The following CNBD1 variants were observed in gnomAD, a reference collection of about 807,000 sequenced individuals.
CNBD1 encodes the protein cyclic nucleotide binding domain containing 1.
A neutral mutation model predicts 54.4 loss-of-function variants in CNBD1; 71 were observed. That is an observed-to-expected ratio of 1.30 (90% confidence interval 1.08 to 1.59). The LOEUF (loss-of-function observed/expected upper bound fraction) is 1.59, where lower values mean the gene tolerates loss of function less well. CNBD1 is among the 40% of genes most tolerant of loss of function. CNBD1 has a pLI of 0.00. For missense variants in CNBD1, 659 were observed against 518.0 expected (o/e 1.27, Z -2.64); for synonymous variants, 182 against 170.7 (o/e 1.07, Z -0.51).
chr8:87,302,529 ATC>A (rs1809029294), intron 8 of CNBD1, among the ~76,000 whole-genome samples: 1 of 147,374 alleles, frequency 6.8e-6, no homozygotes, highest in Admixed American at 6.8e-5. Context: ...CACAGCCAAT[ATC>A]CTGAATGGGC....
chr8:86,954,807 G>A (rs905520188), intron 4 of CNBD1, among the ~76,000 whole-genome samples: 1 of 152,194 alleles, frequency 6.6e-6, no homozygotes, highest in Admixed American at 6.5e-5. Flanking sequence ...TTACCAAACT[G>A]TAAAGCAGGA....
intron 8 of CNBD1, among the ~76,000 whole-genome samples, chr8:87,309,243 A>G (rs1165418231): frequency 6.6e-6 from 1 of 152,134 alleles, no homozygotes; most frequent in Non-Finnish European, 1.5e-5. Flanking sequence ...TCTCATCAGC[A>G]TTTGTTAATT....
intron 6 of CNBD1, among the ~76,000 whole-genome samples, chr8:87,254,123 C>G (rs914146292): frequency 1.3e-5 from 2 of 152,076 alleles, no homozygotes; most frequent in Admixed American, 6.6e-5. Flanking sequence ...AGGAATATTC[C>G]AAATAGTAGT....
intron 4 of CNBD1, among the ~76,000 whole-genome samples, chr8:86,988,670 C>T (rs1808666669): frequency 6.6e-6 from 1 of 152,140 alleles, no homozygotes; most frequent in Admixed American, 6.5e-5. Context: ...AACCATCCCA[C>T]ATCCCCCCCT....
chr8:86,880,114 G>C (rs991597547), intron 1 of CNBD1, among the ~76,000 whole-genome samples: 1 of 152,128 alleles, frequency 6.6e-6, no homozygotes, highest in African/African-American at 2.4e-5. Flanking sequence ...CATTATTGTA[G>C]TATTACAGAT....
intron 4 of CNBD1, among the ~76,000 whole-genome samples, chr8:86,967,277 T>C (rs1808103295): frequency 6.6e-6 from 1 of 152,248 alleles, no homozygotes; most frequent in Non-Finnish European, 1.5e-5. Flanking sequence ...AAGGCAGATC[T>C]TGCTTGCTGC....
chr8:87,369,711 C>T (rs1384103536), intron 10 of CNBD1, among the ~76,000 whole-genome samples: 3 of 151,622 alleles, frequency 2.0e-5, no homozygotes, highest in Non-Finnish European at 2.9e-5. Context: ...TTGTCACTTT[C>T]CTAGTGCTGC....
At chr8:87,344,043 A>G (rs1810120371) in intron 8 of CNBD1, among the ~76,000 whole-genome samples, 1 of 152,130 alleles carries the variant, frequency 6.6e-6, no homozygotes, top group Non-Finnish European at 1.5e-5. Flanking sequence ...AATGTATAGA[A>G]TGGTATGTAG....
At chr8:87,092,235 C>A (rs561893336) in intron 4 of CNBD1, among the ~76,000 whole-genome samples, 1 of 152,012 alleles carries the variant, frequency 6.6e-6, no homozygotes, top group South Asian at 2.1e-4. Flanking sequence ...TCTTGCTTGT[C>A]CCATGTCTTT....
At chr8:86,940,456 G>T (rs6468566) in intron 4 of CNBD1, among the ~76,000 whole-genome samples, 1 of 151,864 alleles carries the variant, frequency 6.6e-6, no homozygotes, top group Non-Finnish European at 1.5e-5. Context: ...GTGAGCTTCC[G>T]CACCCGGCCC....
intron 8 of CNBD1, among the ~76,000 whole-genome samples, chr8:87,288,749 A>G (rs1025950643): frequency 2.0e-5 from 3 of 152,104 alleles, no homozygotes; most frequent in South Asian, 2.1e-4. Flanking sequence ...CTGTGAGTCT[A>G]TTGAATAAGT....
chr8:87,234,721 G>A (rs1807536897), intron 5 of CNBD1, among the ~76,000 whole-genome samples: 1 of 152,118 alleles, frequency 6.6e-6, no homozygotes, highest in African/African-American at 2.4e-5. Context: ...TGGTAAAGGA[G>A]TAGTGGCTTC....
chr8:87,241,979 A>C (rs1586357657), intron 6 of CNBD1, among the ~76,000 whole-genome samples: 1 of 152,140 alleles, frequency 6.6e-6, no homozygotes, highest in East Asian at 1.9e-4. Flanking sequence ...CTTAGCCAAG[A>C]ACATTACAAA....
At chr8:87,080,388 C>A (rs1169127276) in intron 4 of CNBD1, among the ~76,000 whole-genome samples, 1 of 151,922 alleles carries the variant, frequency 6.6e-6, no homozygotes, top group Non-Finnish European at 1.5e-5. Context: ...TTGAGACCAG[C>A]TTGGCTAACA....
chr8:87,109,122 C>T (rs560053357), intron 4 of CNBD1, among the ~76,000 whole-genome samples: 1 of 151,960 alleles, frequency 6.6e-6, no homozygotes, highest in Admixed American at 6.6e-5. Context: ...AGGAAAATAT[C>T]AAAGAGGTTA....
At chr8:86,998,918 G>A (rs1808936613) in intron 4 of CNBD1, among the ~76,000 whole-genome samples, 1 of 152,074 alleles carries the variant, frequency 6.6e-6, no homozygotes, top group East Asian at 1.9e-4. Flanking sequence ...GTGTAACTGT[G>A]TTTTATTGGA....
intron 2 of CNBD1, among the ~76,000 whole-genome samples, chr8:87,405,464 C>T (rs1425344767): frequency 1.3e-5 from 2 of 152,020 alleles, no homozygotes; most frequent in Non-Finnish European, 2.9e-5. Context: ...TTATGTAATG[C>T]AAGCATATCC....
At chr8:86,977,134 C>G (rs921290914) in intron 4 of CNBD1, among the ~76,000 whole-genome samples, 6 of 151,932 alleles carry the variant, frequency 3.9e-5, no homozygotes, top group African/African-American at 1.4e-4. Context: ...ATTTTTCACC[C>G]TTGAGAATAA....
chr8:87,393,152 G>A (rs1811342861), intron 2 of CNBD1, among the ~76,000 whole-genome samples: 1 of 151,754 alleles, frequency 6.6e-6, no homozygotes, highest in Non-Finnish European at 1.5e-5. Flanking sequence ...TTATTTTTAG[G>A]CATGTTAGTT....
Sources: gnomAD v4.1 joint callset for allele counts (sites outside exome capture counted in the v4.1 genomes callset) on GRCh38, gnomAD v4.1.1 for gene constraint, MANE v1.5 for transcripts, NCBI Gene and HGNC (gene_info 2026-07-23, HGNC 2026-07-21) for gene names.